The following MTNR1B variants were observed in gnomAD, a reference collection of about 807,000 sequenced individuals.
MTNR1B encodes melatonin receptor type 1B.
Under a neutral mutation model 7.0 loss-of-function variants are expected in MTNR1B, and 7 were observed. The observed-to-expected ratio is 1.00, with a 90% CI of 0.57 to 1.88. The LOEUF (loss-of-function observed/expected upper bound fraction) is 1.88, where lower values mean the gene tolerates loss of function less well. Among genes scored for constraint, MTNR1B ranks in the 40% most tolerant of loss-of-function variants. The pLI, the probability that MTNR1B is intolerant of heterozygous loss-of-function variation, is 0.00. For missense variants in MTNR1B, 478 were observed against 486.5 expected (o/e 0.98, Z 0.16); for synonymous variants, 226 against 208.2 (o/e 1.09, Z -0.74).
At position 92,969,809 on chromosome 11, in the gene MTNR1B, G is replaced by A. The variant is rs565330313; in HGVS notation, c.84G>A (p.Ala28=). 2.3e-5 allele frequency: 36 copies of A among 1,568,274 alleles called. No homozygotes were observed. The highest frequency in any genetic ancestry group is 2.9e-5 in the Non-Finnish European group (34 of 1,156,598). Residue 28 remains alanine, a synonymous_variant, in exon 1 of 2, where the codon GCG becomes GCA. Coordinates refer to ENST00000257068, the MANE Select transcript of MTNR1B (RefSeq NM_005959.5). ...VRPGWSGAGS[A]RPSRTPRPPW... ...CGGGCTGGTCGGGGGCTGGCAGCGCGCGGCCCTCCAGGACCCCTCGACCTC... is the reference window on the plus strand; with the variant it reads ...CGGGCTGGTCGGGGGCTGGCAGCGCACGGCCCTCCAGGACCCCTCGACCTC...
intron 1 of MTNR1B, among the ~76,000 whole-genome samples, chr11:92,980,856 G>A (rs144299996): frequency 1.3e-5 from 2 of 152,326 alleles, no homozygotes; most frequent in African/African-American, 4.8e-5. Flanking sequence ...GAAACACATG[G>A]TTCCCACTCT....
At chr11:92,976,402 T>A (rs977159224) in intron 1 of MTNR1B, among the ~76,000 whole-genome samples, 1 of 152,186 alleles carries the variant, frequency 6.6e-6, no homozygotes, top group Non-Finnish European at 1.5e-5. Context: ...CTTATGAGCC[T>A]CTTTCTTGAT....
At chr11:92,970,152 G>A (rs1857902357) in intron 1 of MTNR1B, among the ~76,000 whole-genome samples, 1 of 152,292 alleles carries the variant, frequency 6.6e-6, no homozygotes, top group South Asian at 2.1e-4. Context: ...TGCCCAGGAC[G>A]CGCTTGGCAC....
At chr11:92,983,333 G>A (rs569280667), downstream of MTNR1B, among the ~76,000 whole-genome samples, 138 of 152,244 alleles carry the variant, frequency 9.1e-4, 1 homozygote, top group African/African-American at 3.1e-3. Context: ...ACCAGCCTAA[G>A]CAACATGGCA....
chr11:92,972,667 C>A (rs961885990), intron 1 of MTNR1B: 5 of 389,322 alleles, frequency 1.3e-5, no homozygotes, highest in Non-Finnish European at 2.0e-5. Context: ...TGGCACCTCA[C>A]GCCTGTCAGA....
rs762498015 is a variant in MTNR1B, at chr11:92,972,447, C to CT, written c.223+2509dup. Reference sequence around the variant, plus strand: ...CAGGGTGAGTGGTTAGATTAATTGTCTTTTTTTTTTCAGGGATATCCTATC... The same window carrying CT: ...CAGGGTGAGTGGTTAGATTAATTGTCTTTTTTTTTTTCAGGGATATCCTATC... On this transcript the variant is annotated intron_variant, in intron 1 of 1. Coordinates refer to ENST00000257068, the MANE Select transcript of MTNR1B (RefSeq NM_005959.5). 1.0e-3 allele frequency: 416 copies of CT among 402,036 alleles called. 1 individual carries two copies. Among genetic ancestry groups the CT allele is most frequent in the Middle Eastern group, 6.9e-3 (20 of 2,894 alleles). The allele number at this position is 402,036 out of a possible 1,614,324, so 24.9% of individuals were successfully genotyped here.
chr11:92,974,688 G>A (rs1284132225), intron 1 of MTNR1B, among the ~76,000 whole-genome samples: 2 of 151,130 alleles, frequency 1.3e-5, no homozygotes, highest in Non-Finnish European at 2.9e-5. Context: ...TGCAAGCTCC[G>A]CCCCCTGGGG....
chr11:92,982,298 G>A lies in MTNR1B; in HGVS notation c.1075G>A (p.Ala359Thr). The change falls in exon 2 of 2, where the codon GCA (alanine) becomes ACA (threonine). Residue 359 changes from alanine to threonine, a missense_variant. Physicochemically the swap from Ala to Thr is moderately conservative, Grantham distance 58. Transcript: ENST00000257068. The stretch of plus-strand genomic sequence containing the variant: ...ACCCATCATTGGTGTGCAGCACCAG[G>A]CAGATGCTCTCTAGCCTGGATCTGA... The part of the protein sequence containing the change: ...APPIIGVQHQ[A>T]DAL 6.2e-7 allele frequency: 1 copy of A among 1,612,178 alleles called. No individual in the cohort carries two copies. Among genetic ancestry groups the A allele is most frequent in the Non-Finnish European group, 8.5e-7 (1 of 1,179,426 alleles).
chr11:92,976,820 T>C (rs911970146), intron 1 of MTNR1B, among the ~76,000 whole-genome samples: 2 of 152,266 alleles, frequency 1.3e-5, no homozygotes, highest in African/African-American at 4.8e-5. Flanking sequence ...TTGTTCTTTC[T>C]CAATCCTTCT....
intron 1 of MTNR1B, among the ~76,000 whole-genome samples, chr11:92,976,524 C>CAA (rs11369429): frequency 1.1e-4 from 16 of 151,974 alleles, no homozygotes; most frequent in Admixed American, 2.6e-4. Flanking sequence ...AAAGAAAAGG[C>CAA]AAAAAAAGCC....
In MTNR1B at chr11:92,981,819, A is replaced by G. The variant is rs1325615708; in HGVS notation, c.596A>G (p.Gln199Arg). ...ACCTTCATCCAGACCGCCAGCACCC[A>G]GTACACGGCGGCAGTGGTGGTCATC... ...SCTFIQTAST[Q>R]YTAAVVVIHF... The change falls in exon 2 of 2, where the codon CAG becomes CGG. Residue 199 changes from glutamine to arginine, a missense_variant. Gln to Arg is a conservative substitution (Grantham distance 43). Coordinates refer to ENST00000257068, the MANE Select transcript of MTNR1B (RefSeq NM_005959.5). The G allele has an allele frequency of 1.2e-6, 2 of 1,614,182 alleles. No homozygotes were observed. Among genetic ancestry groups the G allele is most frequent in the Non-Finnish European group, 1.7e-6 (2 of 1,180,042 alleles).
In MTNR1B at chr11:92,981,881, T is replaced by C; in HGVS notation, c.658T>C (p.Tyr220His). Residue 220 changes from tyrosine to histidine, a missense_variant, in exon 2 of 2, where the codon TAC becomes CAC. Transcript: ENST00000257068. ...CCCTATCGCTGTCGTGTCCTTCTGC[T>C]ACCTGCGCATCTGGGTGCTGGTGCT... ...LLPIAVVSFCYLRIWVLVLQA... is the reference protein window; with the variant it reads ...LLPIAVVSFCHLRIWVLVLQA... 6.2e-7 allele frequency: 1 copy of C among 1,614,202 alleles called. No individual in the cohort carries two copies. The highest frequency in any genetic ancestry group is 8.5e-7 in the Non-Finnish European group (1 of 1,180,030).
downstream of MTNR1B, among the ~76,000 whole-genome samples, chr11:92,983,450 C>G (rs10765578): frequency 0.54 from 80,974 of 150,418 alleles, 22,178 homozygotes; most frequent in East Asian, 0.7. Flanking sequence ...CAGGTTGAGG[C>G]TACAGTGAGC....
Position 92,981,514 on chromosome 11 carries a change from C to A in MTNR1B, c.291C>A (p.Ile97=). 2 of 1,614,182 alleles carry A rather than the reference C, an allele frequency of 1.2e-6. No homozygotes were observed. Among genetic ancestry groups the A allele is most frequent in the Non-Finnish European group, 1.7e-6 (2 of 1,180,036 alleles). The change falls in exon 2 of 2, where the codon ATC becomes ATA. Residue 97 remains isoleucine, a synonymous_variant. Transcript: ENST00000257068. ...TGGCCTTCTACCCCTACCCGCTAAT[C>A]CTCGTGGCCATCTTCTATGACGGCT... ...LVVAFYPYPL[I]LVAIFYDGWA...
intron 1 of MTNR1B, among the ~76,000 whole-genome samples, chr11:92,978,045 A>ATG (rs1858038611): frequency 6.6e-6 from 1 of 152,232 alleles, no homozygotes; most frequent in Non-Finnish European, 1.5e-5. Context: ...TGTCACATAA[A>ATG]TGACTTGATG....
At chr11:92,978,285 A>G (rs1422729488) in intron 1 of MTNR1B, among the ~76,000 whole-genome samples, 1 of 152,224 alleles carries the variant, frequency 6.6e-6, no homozygotes, top group Admixed American at 6.5e-5. Flanking sequence ...AGAAAGAAAG[A>G]GAGAGGAAGA....
intron 1 of MTNR1B, among the ~76,000 whole-genome samples, chr11:92,979,025 C>T (rs903544559): frequency 6.6e-6 from 1 of 152,160 alleles, no homozygotes; most frequent in Non-Finnish European, 1.5e-5. Context: ...AGAAGTGATT[C>T]TCTTCACAGA....
At chr11:92,971,223 A>G (rs536505071) in intron 1 of MTNR1B, among the ~76,000 whole-genome samples, 1 of 152,126 alleles carries the variant, frequency 6.6e-6, no homozygotes, top group Non-Finnish European at 1.5e-5. Flanking sequence ...GGCCTCCCAA[A>G]GTGCTGGAAT....
intron 1 of MTNR1B, among the ~76,000 whole-genome samples, chr11:92,975,715 A>G (rs1003125743): frequency 1.3e-5 from 2 of 152,226 alleles, no homozygotes; most frequent in Admixed American, 1.3e-4. Flanking sequence ...AATAAGCAGC[A>G]TGGTTCTGAA....
Sources: allele counts gnomAD v4.1 joint callset (sites outside exome capture counted in the v4.1 genomes callset), GRCh38; gene constraint gnomAD v4.1.1; transcripts MANE v1.5; gene names NCBI Gene and HGNC (gene_info 2026-07-23, HGNC 2026-07-21).